Variants in AFAP1L2 observed in about 807,000 individuals in gnomAD.
The protein encoded by AFAP1L2 is actin filament associated protein 1 like 2.
Under a neutral mutation model 99.3 loss-of-function variants are expected in AFAP1L2, and 46 were observed. The ratio of observed to expected loss-of-function variants is 0.46; its 90% CI spans 0.37 to 0.59. AFAP1L2 has a LOEUF of 0.59. Among genes scored for constraint, AFAP1L2 ranks in the 20% least tolerant of loss-of-function variants. The pLI is 0.00. For synonymous variants in AFAP1L2, 397 were observed against 419.1 expected (o/e 0.95, Z 0.64); for missense variants, 959 against 1,034.9 (o/e 0.93, Z 1.01).
At chr10:114,347,702 A>G (rs1825217499) in intron 1 of AFAP1L2, among the ~76,000 whole-genome samples, 1 of 152,122 alleles carries the variant, frequency 6.6e-6, no homozygotes, top group Admixed American at 6.6e-5. Flanking sequence ...GTAGAGACAG[A>G]GTCGTGCTAT....
At chr10:114,363,239 T>C in intron 1 of AFAP1L2, 2 of 935,318 alleles carry the variant, frequency 2.1e-6, no homozygotes, top group Non-Finnish European at 2.6e-6. Flanking sequence ...TTGCATCTCT[T>C]GGATGGTCCT....
chr10:114,402,973 G>A (rs2058366667), intron 1 of AFAP1L2, among the ~76,000 whole-genome samples: 1 of 152,216 alleles, frequency 6.6e-6, no homozygotes, highest in Non-Finnish European at 1.5e-5. Context: ...GAAGGGCGGA[G>A]GGGCCCCAGT....
Position 114,336,132 on chromosome 10 carries a change from G to A in AFAP1L2, c.146-2837C>T, listed in dbSNP as rs141402865. ...TCATGAGGGTGCATCGGCCCACCTCGGGTGGGCTGCAGGCTGAGGCTGACT... is the reference window on the plus strand; with the variant it reads ...TCATGAGGGTGCATCGGCCCACCTCAGGTGGGCTGCAGGCTGAGGCTGACT... On this transcript the variant is annotated intron_variant, in intron 2 of 18. Coordinates refer to ENST00000304129, the MANE Select transcript of AFAP1L2 (RefSeq NM_001001936.3). 1.5e-3 allele frequency among the ~76,000 whole-genome samples: 230 copies of A among 152,342 alleles called. 2 individuals are homozygous for A. The highest frequency in any genetic ancestry group is 5.2e-3 in the African/African-American group (217 of 41,580).
In AFAP1L2 at chr10:114,404,465, G is replaced by A. The variant is rs774648118; in HGVS notation, c.-10C>T. On this transcript the variant is annotated 5_prime_UTR_variant, in exon 1 of 19. Coordinates refer to ENST00000304129, the MANE Select transcript of AFAP1L2 (RefSeq NM_001001936.3). ...CTTTGTACCGCTCCATCGGGGCCAC[G>A]GAGTGCGCTCCTCGCGGCTCGGCTT... 5 of 1,539,276 alleles carry A rather than the reference G, an allele frequency of 3.2e-6. No individual in the cohort carries two copies. The East Asian group carries it at 9.9e-5, about 31-fold the overall frequency.
upstream of AFAP1L2, chr10:114,404,735 C>T: frequency 3.0e-6 from 1 of 338,754 alleles, no homozygotes; most frequent in Non-Finnish European, 5.3e-6. Context: ...GCCCCGCTCG[C>T]CGCCCCCGGC....
intron 5 of AFAP1L2, among the ~76,000 whole-genome samples, chr10:114,322,017 C>A (rs1245489417): frequency 6.6e-6 from 1 of 152,168 alleles, no homozygotes; most frequent in South Asian, 2.1e-4. Context: ...GGGGGTGAGT[C>A]TTTCCCATGC....
intron 1 of AFAP1L2, among the ~76,000 whole-genome samples, chr10:114,350,867 G>T (rs949029087): frequency 6.6e-6 from 1 of 152,208 alleles, no homozygotes; most frequent in Non-Finnish European, 1.5e-5. Context: ...GACACTCCAG[G>T]TTCCAGCGGC....
the AFAP1L2 span, chr10:114,284,981 A>G: frequency 1.3e-6 from 2 of 1,579,920 alleles, no homozygotes; most frequent in South Asian, 1.2e-5. Flanking sequence ...GTAGGTATGC[A>G]CCGGCCCTGC....
intron 1 of AFAP1L2, among the ~76,000 whole-genome samples, chr10:114,395,101 C>A (rs1053101677): frequency 1.3e-5 from 2 of 152,182 alleles, no homozygotes; most frequent in African/African-American, 4.8e-5. Flanking sequence ...GGCAGTCAAG[C>A]AGTAGGTGCC....
chr10:114,304,205 C>T (rs1785529237), intron 11 of AFAP1L2, among the ~76,000 whole-genome samples: 1 of 152,178 alleles, frequency 6.6e-6, no homozygotes, highest in South Asian at 2.1e-4. Flanking sequence ...TGTGTGCTTC[C>T]ATGCGTGGAA....
At chr10:114,348,851 G>A (rs2050003517) in intron 1 of AFAP1L2, among the ~76,000 whole-genome samples, 1 of 152,268 alleles carries the variant, frequency 6.6e-6, no homozygotes, top group Middle Eastern at 3.4e-3. Flanking sequence ...TGAGTCTAAT[G>A]CACAGCCAAG....
chr10:114,404,021 G>A (rs1455675683), intron 1 of AFAP1L2, among the ~76,000 whole-genome samples: 1 of 152,210 alleles, frequency 6.6e-6, no homozygotes, highest in Non-Finnish European at 1.5e-5. Context: ...CGGGCGCCCG[G>A]GAGAAAGGAC....
chr10:114,325,394 C>T (rs1246937284), intron 4 of AFAP1L2, among the ~76,000 whole-genome samples: 1 of 152,190 alleles, frequency 6.6e-6, no homozygotes, highest in Non-Finnish European at 1.5e-5. Context: ...AGAGGATCGA[C>T]CCTGTCGGGG....
At chr10:114,400,512 TAGCCTTTTAA>T (rs1317135638) in intron 1 of AFAP1L2, among the ~76,000 whole-genome samples, 1 of 152,240 alleles carries the variant, frequency 6.6e-6, no homozygotes, top group Non-Finnish European at 1.5e-5. Flanking sequence ...AACGTTCCCA[TAGCCTTTTAA>T]AGCCTCTAAT....
chr10:114,357,484 C>T (rs1205392392), intron 1 of AFAP1L2, among the ~76,000 whole-genome samples: 2 of 152,138 alleles, frequency 1.3e-5, no homozygotes, highest in African/African-American at 4.8e-5. Context: ...TCTCACAGTA[C>T]CCTTGTCTAC....
chr10:114,327,611 AC>A (rs2135452944), intron 4 of AFAP1L2, among the ~76,000 whole-genome samples: 1 of 152,250 alleles, frequency 6.6e-6, no homozygotes, highest in Non-Finnish European at 1.5e-5. Flanking sequence ...TATTTTAGGG[AC>A]TTGTGGCCAC....
downstream of AFAP1L2, chr10:114,291,359 C>G (rs1308624756): frequency 9.1e-6 from 11 of 1,213,470 alleles, no homozygotes; most frequent in Non-Finnish European, 1.1e-5. Context: ...CTTAGAATGT[C>G]TGCTTCCCGC....
At chr10:114,286,319 G>A in the AFAP1L2 span, 8 of 1,612,374 alleles carry the variant, frequency 5.0e-6, no homozygotes, top group Non-Finnish European at 6.8e-6. Flanking sequence ...CTCCGAGGAT[G>A]AGGTTGCGGG....
downstream of AFAP1L2, among the ~76,000 whole-genome samples, chr10:114,293,538 G>A (rs2039794844): frequency 6.6e-6 from 1 of 152,114 alleles, no homozygotes; most frequent in African/African-American, 2.4e-5. Flanking sequence ...GCTTTTGTCA[G>A]TCCCCCAGGA....
Sources: allele counts gnomAD v4.1 joint callset (sites outside exome capture counted in the v4.1 genomes callset), GRCh38; gene constraint gnomAD v4.1.1; transcripts MANE v1.5; gene names NCBI Gene and HGNC (gene_info 2026-07-23, HGNC 2026-07-21).